The following TBK1 variants were observed in gnomAD, a reference collection of about 807,000 sequenced individuals.
TBK1 encodes the protein serine/threonine-protein kinase TBK1.
Under a neutral mutation model 99.9 loss-of-function variants are expected in TBK1, and 37 were observed. The ratio of observed to expected loss-of-function variants is 0.37; its 90% CI spans 0.28 to 0.49. TBK1 has a LOEUF of 0.49. Ranked by LOEUF, TBK1 falls within the 20% of genes least tolerant of loss-of-function variation. TBK1 has a pLI of 0.98. For synonymous variants in TBK1, 258 were observed against 279.8 expected (o/e 0.92, Z 0.78); for missense variants, 644 against 872.5 (o/e 0.74, Z 3.30).
Position 64,501,550 on chromosome 12 carries a change from C to A in TBK1, c.*169C>A. 1 of 633,184 alleles carries A rather than the reference C, an allele frequency of 1.6e-6. No individual in the cohort carries two copies. Among genetic ancestry groups the A allele is most frequent in the Non-Finnish European group, 2.6e-6 (1 of 392,050 alleles). The allele number at this position is 633,184 out of a possible 1,614,324, so 39.2% of individuals were successfully genotyped here. A position where few individuals can be genotyped will look rare whatever the true frequency, so the allele number is the denominator to read the frequency against. ...ACATAAAAAATATACAAATTTTTGG[C>A]TGCTGTGAAGATGTAATTTTATCTT... On this transcript the variant is annotated 3_prime_UTR_variant, in exon 21 of 21. Transcript: ENST00000331710.
At chr12:64,477,996 A>G (rs1287039209) in intron 6 of TBK1, among the ~76,000 whole-genome samples, 1 of 152,230 alleles carries the variant, frequency 6.6e-6, no homozygotes, top group Non-Finnish European at 1.5e-5. Flanking sequence ...ACCTTGTTTC[A>G]TGAGAAGGCC....
chr12:64,463,856 AGT>A (rs2040574858), intron 3 of TBK1, among the ~76,000 whole-genome samples: 5 of 117,196 alleles, frequency 4.3e-5, no homozygotes, highest in African/African-American at 1.2e-4. Flanking sequence ...GGAAAATGTT[AGT>A]TTTTTTTTTT....
chr12:64,498,578 T>G (rs79295344), intron 20 of TBK1, among the ~76,000 whole-genome samples: 1,689 of 152,382 alleles, frequency 0.011, 37 homozygotes, highest in African/African-American at 0.038. Context: ...TAAGTCATAT[T>G]TGGCTCTGTA....
intron 20 of TBK1, among the ~76,000 whole-genome samples, chr12:64,499,801 G>A (rs190533910): frequency 2.0e-5 from 3 of 148,606 alleles, no homozygotes; most frequent in African/African-American, 5.0e-5. Flanking sequence ...GAGTTCAAGC[G>A]TTTCTCCTGC....
At chr12:64,472,954 G>A (rs2040676542) in intron 5 of TBK1, among the ~76,000 whole-genome samples, 1 of 152,156 alleles carries the variant, frequency 6.6e-6, no homozygotes, top group Admixed American at 6.5e-5. Context: ...TAGATCCCCA[G>A]TGAACCCAGT....
intron 13 of TBK1, among the ~76,000 whole-genome samples, chr12:64,490,654 T>G (rs1459427825): frequency 6.6e-6 from 1 of 152,194 alleles, no homozygotes; most frequent in East Asian, 1.9e-4. Flanking sequence ...AGATTTAAAT[T>G]AGGCTGGGCG....
At chr12:64,478,110 CAT>C (rs2040733892) in intron 6 of TBK1, among the ~76,000 whole-genome samples, 1 of 152,170 alleles carries the variant, frequency 6.6e-6, no homozygotes, top group Admixed American at 6.5e-5. Context: ...TAGGTCTTAA[CAT>C]ATTTCTCAGA....
intron 15 of TBK1, among the ~76,000 whole-genome samples, chr12:64,496,093 T>C (rs576959624): frequency 1.3e-5 from 2 of 152,312 alleles, no homozygotes; most frequent in African/African-American, 4.8e-5. Flanking sequence ...ACCAAAGGTA[T>C]TGCCCAATCT....
chr12:64,469,425 G>T (rs1390093665), intron 5 of TBK1, among the ~76,000 whole-genome samples: 1 of 151,914 alleles, frequency 6.6e-6, no homozygotes, highest in African/African-American at 2.4e-5. Context: ...TTATCCTTTT[G>T]TCTCTTCCTG....
intron 6 of TBK1, among the ~76,000 whole-genome samples, chr12:64,475,802 C>T (rs549647873): frequency 2.6e-5 from 4 of 152,090 alleles, no homozygotes; most frequent in Non-Finnish European, 1.5e-5. Flanking sequence ...TGTTTGCTAT[C>T]GTGAATACTG....
At chr12:64,489,205 A>C (rs2040846029) in intron 12 of TBK1, among the ~76,000 whole-genome samples, 1 of 152,224 alleles carries the variant, frequency 6.6e-6, no homozygotes, top group Non-Finnish European at 1.5e-5. Flanking sequence ...TGTAATCAAC[A>C]AAGGAAATAG....
intron 13 of TBK1, among the ~76,000 whole-genome samples, chr12:64,490,915 T>G (rs2040862917): frequency 6.7e-6 from 1 of 148,948 alleles, no homozygotes; most frequent in South Asian, 2.1e-4. Context: ...AGAGTGAAAC[T>G]CCATCTCAAA....
At chr12:64,496,530 AGGATTGT>A in intron 16 of TBK1, 124 bp downstream of exon 16, 1 of 522,780 alleles carries the variant, frequency 1.9e-6, no homozygotes, top group Non-Finnish European at 3.1e-6. Flanking sequence ...TTGATTTTAC[AGGATTGT>A]TACAATATGT....
intron 3 of TBK1, among the ~76,000 whole-genome samples, chr12:64,462,651 A>G (rs1319267528): frequency 6.6e-6 from 1 of 152,114 alleles, no homozygotes; most frequent in Non-Finnish European, 1.5e-5. Context: ...AGAGTAATTT[A>G]AAATATTTTA....
At chr12:64,476,319 G>A (rs551958305) in intron 6 of TBK1, among the ~76,000 whole-genome samples, 76 of 151,570 alleles carry the variant, frequency 5.0e-4, no homozygotes, top group African/African-American at 1.5e-3. Context: ...CACCACACCC[G>A]GCTAATTTTT....
rs777984402 is a variant in TBK1 at position 64,485,470 on chromosome 12, T to G, written c.1205T>G (p.Val402Gly). ...LIYEKISLPK[V>G]HPRYDLDGDA... ...CATATTTCAGTTTCCCTCCCTAAAG[T>G]ACATCCACGTTATGATTTAGACGGG... Residue 402 changes from valine (V) to glycine (G), a missense_variant, in exon 10 of 21, where the codon GTA becomes GGA. Val to Gly is a moderately radical substitution (Grantham distance 109). Coordinates refer to ENST00000331710, the MANE Select transcript of TBK1 (RefSeq NM_013254.4). 6.4e-7 allele frequency: 1 copy of G among 1,562,870 alleles called. No homozygotes were observed. Among genetic ancestry groups the G allele is most frequent in the Non-Finnish European group, 8.7e-7 (1 of 1,145,520 alleles).
chr12:64,496,852 T>C (rs1455813843), intron 16 of TBK1, 97 bp from the exon 17 acceptor site: 3 of 777,232 alleles, frequency 3.9e-6, no homozygotes, highest in South Asian at 2.1e-5. Flanking sequence ...CAACAATCAT[T>C]ATAGGAAAGA....
At chr12:64,477,764 T>C (rs1378764304) in intron 6 of TBK1, among the ~76,000 whole-genome samples, 2 of 152,226 alleles carry the variant, frequency 1.3e-5, no homozygotes, top group Admixed American at 1.3e-4. Context: ...AGAATGATGT[T>C]GGCTATTGGT....
intron 6 of TBK1, among the ~76,000 whole-genome samples, chr12:64,478,928 A>T (rs7298599): frequency 6.6e-6 from 1 of 152,222 alleles, no homozygotes; most frequent in Non-Finnish European, 1.5e-5. Flanking sequence ...AATAAAGGAA[A>T]CATGTGACTC....
Sources: allele counts gnomAD v4.1 joint callset (sites outside exome capture counted in the v4.1 genomes callset), GRCh38; gene constraint gnomAD v4.1.1; transcripts MANE v1.5; gene names NCBI Gene and HGNC (gene_info 2026-07-23, HGNC 2026-07-21).